The following PCDHGB3 variants were observed in gnomAD, a reference collection of about 807,000 sequenced individuals.
The protein encoded by PCDHGB3 is protocadherin gamma-B3.
A neutral mutation model predicts 59.2 loss-of-function variants in PCDHGB3; 40 were observed. The ratio of observed to expected loss-of-function variants is 0.68; its 90% CI spans 0.52 to 0.88. The LOEUF (loss-of-function observed/expected upper bound fraction) is 0.88. Ranked by LOEUF, PCDHGB3 falls within the 40% of genes least tolerant of loss-of-function variation. PCDHGB3 has a pLI of 0.00. For synonymous variants in PCDHGB3, 581 were observed against 503.6 expected (o/e 1.15, Z -2.06); for missense variants, 1,309 against 1,187.9 (o/e 1.10, Z -1.50).
intron 1 of PCDHGB3, chr5:141,375,541 A>G (rs566370523): frequency 1.2e-6 from 2 of 1,613,786 alleles, no homozygotes; most frequent in South Asian, 2.2e-5. Context: ...AGAACGCCCA[A>G]GTCTCCTACT....
Position 141,485,684 on chromosome 5 carries a change from A to T in PCDHGB3, c.2416-9123A>T, listed in dbSNP as rs746176226. On this transcript the variant is annotated intron_variant, in intron 1 of 3. Transcript: ENST00000576222. The surrounding 1 kb of genome is among the most constrained non-coding windows in gnomAD (Gnocchi z 5.7). ...GGGGAGCAATTCGATTAGCAGCTAT[A>T]GGCTGAGCTCCAATGAACACTTTGC... 1 of 1,614,056 alleles carries T rather than the reference A, an allele frequency of 6.2e-7. No homozygotes were observed. The highest frequency in any genetic ancestry group is 1.1e-5 in the South Asian group (1 of 91,082).
At position 141,511,855 on chromosome 5, in the gene PCDHGB3, ATTGT is replaced by A. The variant is rs2099883980; in HGVS notation, c.*686_*689del. ...GGACCAGTCTTCTGTTTTGTTTTTCATTGTTTGACGTTTCCACTGCATGCCTTGA... is the reference window on the plus strand; with the variant it reads ...GGACCAGTCTTCTGTTTTGTTTTTCATTGACGTTTCCACTGCATGCCTTGA... On this transcript the variant is annotated 3_prime_UTR_variant, in exon 4 of 4. Coordinates refer to ENST00000576222, the MANE Select transcript of PCDHGB3 (RefSeq NM_018924.5). 1 of 156,316 alleles carries A rather than the reference ATTGT, an allele frequency of 6.4e-6. No individual in the cohort carries two copies. Among genetic ancestry groups the A allele is most frequent in the South Asian group, 2.0e-4 (1 of 5,082 alleles). The allele number at this position is 156,316 out of a possible 1,614,324, so 9.7% of individuals were successfully genotyped here.
chr5:141,393,049 C>T (rs2092663894), intron 1 of PCDHGB3: 4 of 1,613,486 alleles, frequency 2.5e-6, no homozygotes, highest in South Asian at 1.1e-5. Context: ...GCTCTGAACC[C>T]GCGCAGCGGC....
chr5:141,371,426 C>G lies in PCDHGB3; in HGVS notation c.1032C>G (p.Ala344=). Residue 344 remains alanine, a synonymous_variant, in exon 1 of 4, where the codon GCC becomes GCG. Transcript: ENST00000576222. The stretch of plus-strand genomic sequence containing the variant: ...ATATTTCAGATGAAAATGACAATGC[C>G]CCGGAGATAACCCTGGCTTCTGAAT... ...QIDISDENDN[A]PEITLASESQ... is the part of the protein sequence containing the mutation. The G allele has an allele frequency of 6.2e-7, 1 of 1,613,892 alleles. No homozygotes were observed. Among genetic ancestry groups the G allele is most frequent in the Non-Finnish European group, 8.5e-7 (1 of 1,179,830 alleles).
intron 2 of PCDHGB3, 102 bp from the exon 3 acceptor site, chr5:141,505,291 G>A (rs2154593677): frequency 1.3e-6 from 2 of 1,565,092 alleles, no homozygotes; most frequent in Non-Finnish European, 1.7e-6. Context: ...TGGGCATGGG[G>A]TAGGGTTAGG....
At chr5:141,375,323 G>A in intron 1 of PCDHGB3, 1 of 1,613,814 alleles carries the variant, frequency 6.2e-7, no homozygotes, top group Non-Finnish European at 8.5e-7. Context: ...AGACCGGGAA[G>A]AGGTATTCTT....
chr5:141,470,836 C>T lies in PCDHGB3; in HGVS notation c.2416-23971C>T, dbSNP rs577375498. On this transcript the variant is annotated intron_variant, in intron 1 of 3. Transcript: ENST00000576222. ...CTGAGTAGTTAGGACGACAAACACA[C>T]GCCACCATGCTCAGATAAGTTTTTT... 2.6e-5 allele frequency among the ~76,000 whole-genome samples: 4 copies of T among 152,176 alleles called. No homozygotes were observed. The East Asian group carries it at 5.8e-4, about 22-fold the overall frequency.
intron 1 of PCDHGB3, chr5:141,389,454 C>T (rs544789937): frequency 6.2e-7 from 1 of 1,612,960 alleles, no homozygotes; most frequent in African/African-American, 1.3e-5. Context: ...CGAGCAGCTG[C>T]GCGCCTTCGA....
chr5:141,388,663 C>A (rs770660956), intron 1 of PCDHGB3: 1 of 1,613,928 alleles, frequency 6.2e-7, no homozygotes, highest in Non-Finnish European at 8.5e-7. Context: ...CCGGGGACCA[C>A]GGTGCTACAG....
intron 1 of PCDHGB3, chr5:141,399,869 G>A: frequency 1.2e-6 from 2 of 1,612,822 alleles, no homozygotes; most frequent in Non-Finnish European, 8.5e-7. Context: ...GCAGAGCCCG[G>A]CTACCTGGTG....
At chr5:141,458,727 A>G (rs1424554234) in intron 1 of PCDHGB3, among the ~76,000 whole-genome samples, 1 of 151,570 alleles carries the variant, frequency 6.6e-6, no homozygotes, top group East Asian at 1.9e-4. Flanking sequence ...TCGCCACCAC[A>G]TCCAGCTATT....
intron 1 of PCDHGB3, chr5:141,441,206 C>T (rs750648706): frequency 3.3e-5 from 5 of 152,150 alleles, no homozygotes; most frequent in African/African-American, 4.8e-5. Context: ...GATTCTGCAC[C>T]TTGGACAGTA....
intron 1 of PCDHGB3, chr5:141,394,735 G>C: frequency 6.2e-7 from 1 of 1,613,450 alleles, no homozygotes; most frequent in Non-Finnish European, 8.5e-7. Context: ...CTCAAGCAGA[G>C]CCTCGTGGTG....
chr5:141,394,633 G>T, intron 1 of PCDHGB3: 2 of 1,613,390 alleles, frequency 1.2e-6, no homozygotes, highest in Non-Finnish European at 1.7e-6. Context: ...CTGTCCTACC[G>T]CCTGCTCAAG....
Position 141,485,581 on chromosome 5 carries a change from G to C in PCDHGB3, c.2416-9226G>C. The C allele has an allele frequency of 6.2e-7, 1 of 1,612,458 alleles. No individual in the cohort carries two copies. The highest frequency in any genetic ancestry group is 8.5e-7 in the Non-Finnish European group (1 of 1,178,652). ...ATCACGCCCCCCGTTTTCCGCGGCA[G>C]CAGCTGGACTTGGAAATTGGGGAGG... On this transcript the variant is annotated intron_variant, in intron 1 of 3. Coordinates refer to ENST00000576222, the MANE Select transcript of PCDHGB3 (RefSeq NM_018924.5). This position sits in a 1 kb window ranked among gnomAD's most constrained non-coding sequence, Gnocchi z 5.7.
At chr5:141,389,664 G>T (rs1182835621) in intron 1 of PCDHGB3, 1 of 1,612,328 alleles carries the variant, frequency 6.2e-7, no homozygotes, top group African/African-American at 1.3e-5. Context: ...GGCGGTGGAC[G>T]CAGACTCAGG....
rs58019021 is a variant in PCDHGB3, at chr5:141,500,184, T to TTTTATTTATTTA, written c.2475-5178_2475-5167dup. Among the ~76,000 whole-genome samples, 232 of 135,962 alleles carry TTTTATTTATTTA rather than the reference T, an allele frequency of 1.7e-3. 1 individual carries two copies. The highest frequency in any genetic ancestry group is 6.4e-3 in the South Asian group (27 of 4,202). The allele number at this position is 135,962 out of a possible 152,430, so 89.2% of individuals were successfully genotyped here. A position where few individuals can be genotyped will look rare whatever the true frequency, so the allele number is the denominator to read the frequency against. The stretch of plus-strand genomic sequence containing the variant: ...GAACATGCATGAGCTTCATTTTTAT[T>TTTTATTTATTTA]TTTATTTATTTATTTATTTATTTAT... On this transcript the variant is annotated intron_variant, in intron 2 of 3. Transcript: ENST00000576222.
chr5:141,421,864 C>T (rs1561797174), intron 1 of PCDHGB3: 2 of 1,613,766 alleles, frequency 1.2e-6, no homozygotes, highest in Non-Finnish European at 1.7e-6. Context: ...CCTGCTCCTC[C>T]TCACAGCTTT....
chr5:141,422,349 T>C (rs768693451), intron 1 of PCDHGB3: 95 of 1,554,604 alleles, frequency 6.1e-5, no homozygotes, highest in Non-Finnish European at 8.2e-5. Flanking sequence ...ATGTGCAAGA[T>C]CAAGATTCTG....
Sources: allele counts gnomAD v4.1 joint callset (sites outside exome capture counted in the v4.1 genomes callset), GRCh38; gene constraint gnomAD v4.1.1; non-coding constraint Gnocchi (gnomAD v3.1); transcripts MANE v1.5; gene names NCBI Gene and HGNC (gene_info 2026-07-23, HGNC 2026-07-21).